The following PAPPA2 variants were observed in gnomAD, a reference collection of about 807,000 sequenced individuals.
PAPPA2 encodes the protein pappalysin 2, also known as pappalysin-2.
PAPPA2 carries 86 observed loss-of-function variants against 176.4 expected under a neutral mutation model. The ratio of observed to expected loss-of-function variants is 0.49; its 90% confidence interval spans 0.41 to 0.58. The LOEUF (loss-of-function observed/expected upper bound fraction) is 0.58. Ranked by LOEUF, PAPPA2 falls within the 20% of genes least tolerant of loss-of-function variation. The pLI is 0.00. For synonymous variants in PAPPA2, 809 were observed against 852.2 expected (o/e 0.95, Z 0.88); for missense variants, 2,073 against 2,256.9 (o/e 0.92, Z 1.65).
chr1:176,671,152 A>G, intron 4 of PAPPA2, 37 bp downstream of exon 4: 2 of 1,606,332 alleles, frequency 1.2e-6, no homozygotes, highest in Non-Finnish European at 1.7e-6. Flanking sequence ...TAGGAAAAAA[A>G]CAAAGAAGGC....
intron 1 of PAPPA2, among the ~76,000 whole-genome samples, chr1:176,522,881 T>C (rs2102540293): frequency 6.6e-6 from 1 of 152,262 alleles, no homozygotes. Flanking sequence ...CTGGGGGACA[T>C]CAGAGGATCC....
chr1:176,780,216 C>T (rs193291541), intron 17 of PAPPA2, among the ~76,000 whole-genome samples: 25 of 152,268 alleles, frequency 1.6e-4, no homozygotes, highest in East Asian at 7.7e-4. Flanking sequence ...CTTTCAATCA[C>T]GCCTGTCTGT....
At chr1:176,596,892 C>T (rs952523964) in intron 3 of PAPPA2, among the ~76,000 whole-genome samples, 1 of 152,140 alleles carries the variant, frequency 6.6e-6, no homozygotes, top group Non-Finnish European at 1.5e-5. Context: ...ACAAGGTATC[C>T]CCAGTACACA....
chr1:176,703,023 G>A (rs1361794910), intron 9 of PAPPA2, among the ~76,000 whole-genome samples: 5 of 152,154 alleles, frequency 3.3e-5, no homozygotes, highest in Non-Finnish European at 4.4e-5. Flanking sequence ...TATTGAGGCC[G>A]ATTATCTGGG....
In PAPPA2 at chr1:176,556,412, C is replaced by G; in HGVS notation, c.90C>G (p.Arg30=). Residue 30 remains arginine, a synonymous_variant, in exon 2 of 23, where the codon CGC becomes CGG. Coordinates refer to ENST00000367662, the MANE Select transcript of PAPPA2 (RefSeq NM_020318.3). ...CCAACTCTGAGCTGGGCTGGACACG[C>G]AAGAAATCCTTGGTTGAGAGGGAAC... ...CSANSELGWT[R]KKSLVEREHL... 6.2e-7 allele frequency: 1 copy of G among 1,614,138 alleles called. No individual in the cohort carries two copies. The highest frequency in any genetic ancestry group is 8.5e-7 in the Non-Finnish European group (1 of 1,180,016).
intron 14 of PAPPA2, among the ~76,000 whole-genome samples, chr1:176,758,767 T>C (rs921444007): frequency 6.6e-6 from 1 of 152,216 alleles, no homozygotes; most frequent in Non-Finnish European, 1.5e-5. Flanking sequence ...TAAAAAAATA[T>C]ACTGAGCAAG....
chr1:176,526,422 T>C (rs1426770748), intron 1 of PAPPA2, among the ~76,000 whole-genome samples: 1 of 152,166 alleles, frequency 6.6e-6, no homozygotes, highest in Non-Finnish European at 1.5e-5. Context: ...TTTAAGAAGC[T>C]CCAGTGTAAT....
At chr1:176,500,857 G>T (rs1408423041) in intron 1 of PAPPA2, among the ~76,000 whole-genome samples, 1 of 151,570 alleles carries the variant, frequency 6.6e-6, no homozygotes, top group Admixed American at 6.6e-5. Context: ...TCATCCGGAG[G>T]CAGCTTATTT....
intron 2 of PAPPA2, among the ~76,000 whole-genome samples, chr1:176,577,518 G>A (rs1652721866): frequency 6.6e-6 from 1 of 152,170 alleles, no homozygotes. Flanking sequence ...CAGACAAAAA[G>A]CTAAGCCTAA....
At chr1:176,577,769 G>C (rs543396772) in intron 2 of PAPPA2, among the ~76,000 whole-genome samples, 1 of 152,004 alleles carries the variant, frequency 6.6e-6, no homozygotes, top group Non-Finnish European at 1.5e-5. Flanking sequence ...TGTGTGGGAC[G>C]GCTACAGGCA....
At position 176,564,803 on chromosome 1, in the gene PAPPA2, G is replaced by C. The variant is rs112064643; in HGVS notation, c.919+7562G>C. 6.2e-5 allele frequency among the ~76,000 whole-genome samples: 9 copies of C among 146,340 alleles called. No individual in the cohort carries two copies. In the East Asian group the frequency reaches 1.8e-3, roughly 29 times the overall value. On this transcript the variant is annotated intron_variant, in intron 2 of 22. Transcript: ENST00000367662. ...CACGTGTTTAAAGTGTACAAATAAC[G>C]TCTTTAGTATTCTTACAGACTTATC...
chr1:176,823,655 T>G lies in PAPPA2; in HGVS notation c.5203-16518T>G, dbSNP rs938214765. ...TCAAAATGTGATCTCCATGGTTGCC[T>G]CCTTGAAGACAGAGGAGGAATACAA... On this transcript the variant is annotated intron_variant, in intron 21 of 22. Coordinates refer to ENST00000367662, the MANE Select transcript of PAPPA2 (RefSeq NM_020318.3). 2.0e-5 allele frequency among the ~76,000 whole-genome samples: 3 copies of G among 152,176 alleles called. No individual in the cohort carries two copies. In the East Asian group the frequency reaches 5.8e-4, roughly 29 times the overall value.
At chr1:176,554,162 A>T (rs1162032327) in intron 1 of PAPPA2, among the ~76,000 whole-genome samples, 1 of 152,212 alleles carries the variant, frequency 6.6e-6, no homozygotes, top group Non-Finnish European at 1.5e-5. Flanking sequence ...TTTAAGATAC[A>T]GCATTTATAA....
rs1653856291 is a variant in PAPPA2 at position 176,594,654 on chromosome 1, C to T, written c.1050C>T (p.Ala350=). The T allele has an allele frequency of 1.2e-6, 2 of 1,614,102 alleles. No individual in the cohort carries two copies. The highest frequency in any genetic ancestry group is 1.7e-5 in the Admixed American group (1 of 60,008). The change falls in exon 3 of 23, where the codon GCC becomes GCT. Residue 350 remains alanine (A), a synonymous_variant. Coordinates refer to ENST00000367662, the MANE Select transcript of PAPPA2 (RefSeq NM_020318.3). ...TCTGCACCGACCGCGTGAAGAAAGC[C>T]ACCATCTTGATTAGCCACAGTCGCT... ...FSLCTDRVKK[A]TILISHSRYQ...
Position 176,843,790 on chromosome 1 carries a change from CA to C in PAPPA2, c.*1339del, listed in dbSNP as rs1266264586. On this transcript the variant is annotated 3_prime_UTR_variant, in exon 23 of 23. Transcript: ENST00000367662. Reference sequence around the variant, plus strand: ...CTTGTTCCAAGTCTCCAAAGAAGACCAAAGTGGGTCCCTTGAGCAATGAAGA... The same window carrying C: ...CTTGTTCCAAGTCTCCAAAGAAGACCAAGTGGGTCCCTTGAGCAATGAAGA... The C allele has an allele frequency of 6.6e-6, 1 of 152,000 alleles. No individual in the cohort carries two copies. The highest frequency in any genetic ancestry group is 6.6e-5 in the Admixed American group (1 of 15,242). The allele number at this position is 152,000 out of a possible 1,614,324, so 9.4% of individuals were successfully genotyped here. A position where few individuals can be genotyped will look rare whatever the true frequency, so the allele number is the denominator to read the frequency against.
At chr1:176,503,367 G>A (rs1465417984) in intron 1 of PAPPA2, among the ~76,000 whole-genome samples, 2 of 152,124 alleles carry the variant, frequency 1.3e-5, no homozygotes, top group African/African-American at 4.8e-5. Flanking sequence ...AAGATCAGCT[G>A]ATCAGTAATC....
intron 1 of PAPPA2, among the ~76,000 whole-genome samples, chr1:176,466,688 G>A (rs1651633945): frequency 6.6e-6 from 1 of 152,130 alleles, no homozygotes; most frequent in African/African-American, 2.4e-5. Context: ...TAGGTGCAGA[G>A]AACAACAATG....
intron 14 of PAPPA2, among the ~76,000 whole-genome samples, chr1:176,755,552 T>G (rs544314524): frequency 9.9e-5 from 15 of 152,228 alleles, no homozygotes; most frequent in Non-Finnish European, 1.8e-4. Context: ...CCCTAGTGAA[T>G]AGCTTAATTT....
rs75347881 is a variant in PAPPA2, at chr1:176,693,606, T to C, written c.2624+1288T>C. On this transcript the variant is annotated intron_variant, in intron 6 of 22. Transcript: ENST00000367662. ...ACAGGGATAGGAGGAAGCTGGTGAA[T>C]CCTCTTTCACAGTGGTATTTCAGCC... is the stretch of plus-strand genomic sequence containing the variant. Among the ~76,000 whole-genome samples the C allele has an allele frequency of 7.9e-4, 120 of 152,324 alleles. 3 individuals are homozygous for C. The East Asian group carries it at 0.02, about 25-fold the overall frequency.
Sources: allele counts gnomAD v4.1 joint callset (sites outside exome capture counted in the v4.1 genomes callset), GRCh38; gene constraint gnomAD v4.1.1; transcripts MANE v1.5; gene names NCBI Gene and HGNC (gene_info 2026-07-23, HGNC 2026-07-21).